AGBL4: variants seen among roughly 807,000 people sequenced by gnomAD.
AGBL4 encodes the protein AGBL carboxypeptidase 4.
In AGBL4, 58 loss-of-function variants were observed where a neutral mutation model predicts 66.4. The observed-to-expected ratio is 0.87, with a 90% CI of 0.71 to 1.09. The LOEUF is 1.09. Ranked by LOEUF, AGBL4 falls within the 50% of genes least tolerant of loss-of-function variation. The pLI, the probability that AGBL4 is intolerant of heterozygous loss-of-function variation, is 0.00. For synonymous variants in AGBL4, 234 were observed against 222.9 expected (o/e 1.05, Z -0.44); for missense variants, 579 against 631.0 (o/e 0.92, Z 0.88).
intron 9 of AGBL4, among the ~76,000 whole-genome samples, chr1:48,613,552 GGCCTTGGCTTGAGGACAC>G (rs1409102077): frequency 2.0e-5 from 3 of 152,166 alleles, no homozygotes; most frequent in Non-Finnish European, 4.4e-5. Flanking sequence ...CACTGACTTT[GGCCTTGGCTTGAGGACAC>G]GCTTTGGCTA....
intron 11 of AGBL4, among the ~76,000 whole-genome samples, chr1:48,546,550 T>C (rs751508079): frequency 2.0e-5 from 3 of 152,196 alleles, no homozygotes; most frequent in Non-Finnish European, 4.4e-5. Flanking sequence ...CGAAGGCCCA[T>C]GTAGCTAACC....
intron 9 of AGBL4, among the ~76,000 whole-genome samples, chr1:48,611,254 G>T (rs1467402159): frequency 1.3e-5 from 2 of 152,240 alleles, no homozygotes; most frequent in Non-Finnish European, 2.9e-5. Flanking sequence ...GGGTGGGAGA[G>T]AAAGGTATTT....
chr1:48,535,616 G>A (rs1463447131), intron 12 of AGBL4, among the ~76,000 whole-genome samples: 2 of 152,142 alleles, frequency 1.3e-5, no homozygotes, highest in Non-Finnish European at 2.9e-5. Flanking sequence ...CATGGAATGT[G>A]TCTTGTTAGG....
chr1:48,999,217 A>G (rs1661223947), intron 5 of AGBL4, among the ~76,000 whole-genome samples: 2 of 152,182 alleles, frequency 1.3e-5, no homozygotes, highest in Admixed American at 1.3e-4. Context: ...TAGACTGCAG[A>G]AGAAAACAAA....
intron 1 of AGBL4, among the ~76,000 whole-genome samples, chr1:49,938,068 G>T (rs2148284460): frequency 6.7e-6 from 1 of 149,322 alleles, no homozygotes; most frequent in East Asian, 2.0e-4. Context: ...CTGGTTTTTT[G>T]AAAGGATCAA....
chr1:49,496,047 G>A lies in AGBL4; in HGVS notation c.282+201266C>T, dbSNP rs1427865422. ...GGGCCTGTGCCTCCCACAGACACCT[G>A]TACACAGGATAAAGACTGCAGGCAA... On this transcript the variant is annotated intron_variant, in intron 3 of 13. Transcript: ENST00000371839. 2.0e-5 allele frequency among the ~76,000 whole-genome samples: 3 copies of A among 152,026 alleles called. No homozygotes were observed. In the East Asian group the frequency reaches 5.8e-4, roughly 29 times the overall value.
intron 2 of AGBL4, among the ~76,000 whole-genome samples, chr1:49,709,162 C>T (rs1329325909): frequency 6.6e-6 from 1 of 152,194 alleles, no homozygotes; most frequent in Non-Finnish European, 1.5e-5. Context: ...GCCATAGCTG[C>T]CCCTTCCTCC....
At chr1:49,246,912 G>A (rs769735501) in intron 3 of AGBL4, among the ~76,000 whole-genome samples, 9 of 152,094 alleles carry the variant, frequency 5.9e-5, no homozygotes, top group African/African-American at 1.4e-4. Flanking sequence ...TATTTACTGC[G>A]TGAGGTATTA....
At chr1:49,527,749 A>G (rs1201814683) in intron 3 of AGBL4, 1 of 152,118 alleles carries the variant, frequency 6.6e-6, no homozygotes, top group Admixed American at 6.5e-5. Context: ...TTCAATCTCT[A>G]ACTCCAGCCA....
In AGBL4 at chr1:49,821,083, T is replaced by C. The variant is rs113637636; in HGVS notation, c.157+30313A>G. ...TATTACTTCCCACTAGCCCCTGAGGTCTACCAAAGGTAGCACATGGGGAGT... is the reference window on the plus strand; with the variant it reads ...TATTACTTCCCACTAGCCCCTGAGGCCTACCAAAGGTAGCACATGGGGAGT... On this transcript the variant is annotated intron_variant, in intron 2 of 13. Coordinates refer to ENST00000371839, the MANE Select transcript of AGBL4 (RefSeq NM_032785.4). 1.8e-3 allele frequency among the ~76,000 whole-genome samples: 274 copies of C among 152,294 alleles called. 3 individuals carry two copies. The highest frequency in any genetic ancestry group is 6.2e-3 in the African/African-American group (256 of 41,556).
At chr1:49,537,350 GAC>G (rs1051351525) in intron 3 of AGBL4, among the ~76,000 whole-genome samples, 1 of 152,130 alleles carries the variant, frequency 6.6e-6, no homozygotes, top group Non-Finnish European at 1.5e-5. Context: ...AGAGTGAACA[GAC>G]AGCCCACTGA....
At chr1:49,452,246 T>G (rs373513858) in intron 3 of AGBL4, among the ~76,000 whole-genome samples, 11 of 152,100 alleles carry the variant, frequency 7.2e-5, no homozygotes, top group African/African-American at 2.6e-4. Context: ...ACCGTTTTAC[T>G]ATACTTATCT....
At chr1:49,630,917 T>C (rs1379007153) in intron 3 of AGBL4, among the ~76,000 whole-genome samples, 8 of 152,124 alleles carry the variant, frequency 5.3e-5, no homozygotes, top group South Asian at 4.1e-4. Context: ...TATAACCTGG[T>C]AGAGGGACAA....
At chr1:49,989,259 G>A (rs917385601) in intron 1 of AGBL4, among the ~76,000 whole-genome samples, 1 of 152,160 alleles carries the variant, frequency 6.6e-6, no homozygotes, top group Non-Finnish European at 1.5e-5. Flanking sequence ...GAGGAAAGGG[G>A]AAAACAAGAC....
At chr1:49,922,796 G>A (rs897665273) in intron 1 of AGBL4, among the ~76,000 whole-genome samples, 3 of 152,096 alleles carry the variant, frequency 2.0e-5, no homozygotes, top group African/African-American at 7.2e-5. Context: ...ACAAACCACT[G>A]CTCAAAGAAA....
intron 6 of AGBL4, among the ~76,000 whole-genome samples, chr1:48,863,862 A>C (rs141366102): frequency 6.6e-6 from 1 of 152,270 alleles, no homozygotes; most frequent in Admixed American, 6.5e-5. Flanking sequence ...TAAATACAGG[A>C]GAATACGATA....
At chr1:49,666,485 G>T (rs1259244318) in intron 3 of AGBL4, among the ~76,000 whole-genome samples, 1 of 151,994 alleles carries the variant, frequency 6.6e-6, no homozygotes, top group Non-Finnish European at 1.5e-5. Context: ...AGAATGGCTT[G>T]CACCTGGGAG....
intron 3 of AGBL4, among the ~76,000 whole-genome samples, chr1:49,620,929 C>T (rs1192981082): frequency 1.3e-5 from 2 of 151,654 alleles, no homozygotes; most frequent in Non-Finnish European, 2.9e-5. Flanking sequence ...TAAGCCAAAA[C>T]CTTGTAGGTA....
intron 4 of AGBL4, among the ~76,000 whole-genome samples, chr1:49,185,507 G>A (rs1290573518): frequency 6.6e-6 from 1 of 152,138 alleles, no homozygotes; most frequent in Non-Finnish European, 1.5e-5. Flanking sequence ...AGGCTGTGAT[G>A]TTACTTTAGA....
Sources: allele counts gnomAD v4.1 joint callset (sites outside exome capture counted in the v4.1 genomes callset), GRCh38; gene constraint gnomAD v4.1.1; transcripts MANE v1.5; gene names NCBI Gene and HGNC (gene_info 2026-07-23, HGNC 2026-07-21).